Variants in CRMP1 observed in about 807,000 individuals in gnomAD.
CRMP1 encodes collapsin response mediator protein 1.
A neutral mutation model predicts 68.3 loss-of-function variants in CRMP1; 19 were observed. That is an observed-to-expected ratio of 0.28 (90% CI 0.19 to 0.41). The LOEUF (loss-of-function observed/expected upper bound fraction) is 0.41. CRMP1 is among the 10% of genes least tolerant of loss of function. CRMP1 has a pLI of 1.00. For synonymous variants in CRMP1, 439 were observed against 399.6 expected, an observed-to-expected ratio of 1.10 and a Z score of -1.18; for missense variants, 791 against 967.4, an observed-to-expected ratio of 0.82 and a Z score of 2.42.
In CRMP1 at chr4:5,843,686, G is replaced by T. The variant is rs965504833; in HGVS notation, c.964-525C>A. Among the ~76,000 whole-genome samples the T allele has an allele frequency of 6.6e-6, 1 of 152,140 alleles. No homozygotes were observed. Among genetic ancestry groups the T allele is most frequent in the Admixed American group, 6.5e-5 (1 of 15,274 alleles). ...TCCTCTTCTGTACACTGGGGATAACGGTGCTTGTACTGCAGAGTTACTACG... is the reference window on the plus strand; with the variant it reads ...TCCTCTTCTGTACACTGGGGATAACTGTGCTTGTACTGCAGAGTTACTACG... On this transcript the variant is annotated intron_variant, in intron 6 of 13. Transcript: ENST00000324989. The surrounding 1 kb of genome is among the most constrained non-coding windows in gnomAD (Gnocchi z 4.1).
At chr4:5,867,466 A>G (rs1442940045) in intron 1 of CRMP1, among the ~76,000 whole-genome samples, 2 of 152,216 alleles carry the variant, frequency 1.3e-5, no homozygotes, top group Non-Finnish European at 2.9e-5. Context: ...GATAGTGAAG[A>G]GACTAAAAAA....
Position 5,865,663 on chromosome 4 carries a change from C to T in CRMP1, c.470+1005G>A, listed in dbSNP as rs184161322. ...GAAGGCCGCCGCCTACAGACCCCTGCCTGGCGTTATGGACTGAATTGTATC... is the reference window on the plus strand; with the variant it reads ...GAAGGCCGCCGCCTACAGACCCCTGTCTGGCGTTATGGACTGAATTGTATC... On this transcript the variant is annotated intron_variant, in intron 2 of 13. Coordinates refer to ENST00000324989, the MANE Select transcript of CRMP1 (RefSeq NM_001014809.3). This position sits in a 1 kb window ranked among gnomAD's most constrained non-coding sequence, Gnocchi z 4.1. Among the ~76,000 whole-genome samples, 63 of 151,944 alleles carry T rather than the reference C, an allele frequency of 4.1e-4. No homozygotes were observed. The East Asian group carries it at 0.011, about 28-fold the overall frequency.
intron 1 of CRMP1, among the ~76,000 whole-genome samples, chr4:5,875,853 T>TA (rs977822313): frequency 3.3e-5 from 5 of 151,992 alleles, no homozygotes; most frequent in African/African-American, 7.3e-5. Flanking sequence ...CTCAGCTTCT[T>TA]AAAAAAAGTC....
rs1351599715 is a variant in CRMP1, at chr4:5,885,043, T to C, written c.381+7546A>G. On this transcript the variant is annotated intron_variant, in intron 1 of 13. Transcript: ENST00000324989. Reference sequence around the variant, plus strand: ...CTTTATAAATATTTCACACAGTCCTTGGGGGCAGGAGCTAAGTGTTTCTGC... The same window carrying C: ...CTTTATAAATATTTCACACAGTCCTCGGGGGCAGGAGCTAAGTGTTTCTGC... 3.3e-5 allele frequency among the ~76,000 whole-genome samples: 5 copies of C among 151,800 alleles called. No homozygotes were observed. In the East Asian group the frequency reaches 9.7e-4, roughly 29 times the overall value.
intron 2 of CRMP1, among the ~76,000 whole-genome samples, chr4:5,862,095 T>A (rs917453778): frequency 6.6e-6 from 1 of 152,110 alleles, no homozygotes; most frequent in African/African-American, 2.4e-5. Flanking sequence ...CCACACACTG[T>A]CCTCTTAACC....
chr4:5,841,695 G>A lies in CRMP1; in HGVS notation c.1033-267C>T, dbSNP rs1422374382. 6.6e-6 allele frequency among the ~76,000 whole-genome samples: 1 copy of A among 152,148 alleles called. No individual in the cohort carries two copies. Among genetic ancestry groups the A allele is most frequent in the Non-Finnish European group, 1.5e-5 (1 of 68,030 alleles). On this transcript the variant is annotated intron_variant, in intron 7 of 13. Coordinates refer to ENST00000324989, the MANE Select transcript of CRMP1 (RefSeq NM_001014809.3). This position sits in a 1 kb window ranked among gnomAD's most constrained non-coding sequence, Gnocchi z 6.9. ...CTGTCCTGACCTCACCATGGGCCAGGAACATACAGCTCGTGGCCATCCCTG... is the reference window on the plus strand; with the variant it reads ...CTGTCCTGACCTCACCATGGGCCAGAAACATACAGCTCGTGGCCATCCCTG...
intron 6 of CRMP1, 31 bp downstream of exon 6, chr4:5,849,361 G>A (rs767538928): frequency 4.5e-6 from 7 of 1,549,924 alleles, no homozygotes; most frequent in Non-Finnish European, 6.2e-6. Flanking sequence ...ATCAGACTGA[G>A]GTAGAAGGAG....
Position 5,854,152 on chromosome 4 carries a change from T to C in CRMP1, c.820+1991A>G, listed in dbSNP as rs1258239114. 1.3e-5 allele frequency among the ~76,000 whole-genome samples: 2 copies of C among 152,178 alleles called. No individual in the cohort carries two copies. Among genetic ancestry groups the C allele is most frequent in the Non-Finnish European group, 2.9e-5 (2 of 68,036 alleles). On this transcript the variant is annotated intron_variant, in intron 4 of 13. Coordinates refer to ENST00000324989, the MANE Select transcript of CRMP1 (RefSeq NM_001014809.3). The surrounding 1 kb of genome is among the most constrained non-coding windows in gnomAD (Gnocchi z 4.0). ...GGGGAAAATTGCTCAGAACTTAACATTAGGTAAGGAAAGTAAGATACAAGA... is the reference window on the plus strand; with the variant it reads ...GGGGAAAATTGCTCAGAACTTAACACTAGGTAAGGAAAGTAAGATACAAGA...
At position 5,855,361 on chromosome 4, in the gene CRMP1, C is replaced by T. The variant is rs2152465263; in HGVS notation, c.820+782G>A. Among the ~76,000 whole-genome samples, 1 of 152,364 alleles carries T rather than the reference C, an allele frequency of 6.6e-6. No individual in the cohort carries two copies. Among genetic ancestry groups the T allele is most frequent in the East Asian group, 1.9e-4 (1 of 5,190 alleles). On this transcript the variant is annotated intron_variant, in intron 4 of 13. Transcript: ENST00000324989. This position sits in a 1 kb window ranked among gnomAD's most constrained non-coding sequence, Gnocchi z 4.9. ...CTCCTTGAAGCACCACCATTTGAGG[C>T]TGCCTCCTCAGAGGGCTCCCCGACT...
chr4:5,887,938 T>C (rs974054559), intron 1 of CRMP1: 12 of 587,556 alleles, frequency 2.0e-5, no homozygotes, highest in Non-Finnish European at 2.9e-5. Context: ...GCATCCTCCC[T>C]GTCCACGCCA....
chr4:5,828,153 C>T (rs1336524883), intron 12 of CRMP1: 1 of 985,442 alleles, frequency 1.0e-6, no homozygotes, highest in Non-Finnish European at 1.2e-6. Flanking sequence ...AGGAGGATCA[C>T]AGCACCTCCC....
intron 6 of CRMP1, among the ~76,000 whole-genome samples, chr4:5,844,117 G>T (rs1004176006): frequency 6.6e-6 from 1 of 152,058 alleles, no homozygotes; most frequent in African/African-American, 2.4e-5. Context: ...TCTCAACTGC[G>T]CGTCTATGGT....
rs988172602 is a variant in CRMP1 at position 5,860,751 on chromosome 4, T to C, written c.655+275A>G. ...TTCAGTCTCATGCTAAGCGATTATA[T>C]CAATGAGATGTTGTTTTATTTCAAT... On this transcript the variant is annotated intron_variant, in intron 3 of 13. Coordinates refer to ENST00000324989, the MANE Select transcript of CRMP1 (RefSeq NM_001014809.3). The surrounding 1 kb of genome is among the most constrained non-coding windows in gnomAD (Gnocchi z 4.2). Among the ~76,000 whole-genome samples the C allele has an allele frequency of 3.9e-5, 6 of 152,194 alleles. No individual in the cohort carries two copies. The highest frequency in any genetic ancestry group is 6.5e-5 in the Admixed American group (1 of 15,288).
Position 5,886,207 on chromosome 4 carries a change from C to G in CRMP1, c.381+6382G>C, listed in dbSNP as rs111684566. Among the ~76,000 whole-genome samples the G allele has an allele frequency of 1.5e-3, 234 of 152,224 alleles. 3 individuals are homozygous for G. The highest frequency in any genetic ancestry group is 4.7e-4 in the Non-Finnish European group (32 of 68,050). The stretch of plus-strand genomic sequence containing the variant: ...ACTAAGCATAACTTACAGCCTCTCT[C>G]CTTCCCATGCTCATTGAAACCACCT... On this transcript the variant is annotated intron_variant, in intron 1 of 13. Transcript: ENST00000324989.
At chr4:5,875,273 C>T (rs1033855335) in intron 1 of CRMP1, among the ~76,000 whole-genome samples, 1 of 152,026 alleles carries the variant, frequency 6.6e-6, no homozygotes, top group Admixed American at 6.6e-5. Flanking sequence ...CTGTCTATTC[C>T]TGAGTGAGGC....
chr4:5,832,001 G>A (rs1416296902), intron 11 of CRMP1, among the ~76,000 whole-genome samples: 1 of 152,142 alleles, frequency 6.6e-6, no homozygotes, highest in Non-Finnish European at 1.5e-5. Context: ...AGCCATCAAA[G>A]GAACATGGTA....
In CRMP1 at chr4:5,892,622, G is replaced by C; in HGVS notation, c.348C>G (p.Pro116=). The C allele has an allele frequency of 8.4e-7, 1 of 1,190,302 alleles. No individual in the cohort carries two copies. 73.7% of individuals were successfully genotyped at this position (1,190,302 alleles called of 1,614,324 possible). A position where few individuals can be genotyped will look rare whatever the true frequency, so the allele number is the denominator to read the frequency against. The change falls in exon 1 of 14, where the codon CCC becomes CCG. Residue 116 remains proline (P), a synonymous_variant. Coordinates refer to ENST00000324989, the MANE Select transcript of CRMP1 (RefSeq NM_001014809.3). The surrounding 1 kb of genome is among the most constrained non-coding windows in gnomAD (Gnocchi z 8.6). ...PPTLRIRRPA[P]RDLPLGRDNG... ...TGTCCCGGCCGAGGGGCAGGTCGCG[G>C]GGCGCGGGGCGGCGGATGCGCAGCG...
In CRMP1 at chr4:5,843,855, C is replaced by T. The variant is rs1368024585; in HGVS notation, c.964-694G>A. 2.6e-5 allele frequency among the ~76,000 whole-genome samples: 4 copies of T among 152,144 alleles called. No individual in the cohort carries two copies. The highest frequency in any genetic ancestry group is 2.1e-4 in the South Asian group (1 of 4,822). ...CTGTCTTTATGGCGGGAAACCACTA[C>T]CTGAAACTTATCATATAACCTTGAA... On this transcript the variant is annotated intron_variant, in intron 6 of 13. Coordinates refer to ENST00000324989, the MANE Select transcript of CRMP1 (RefSeq NM_001014809.3). The surrounding 1 kb of genome is among the most constrained non-coding windows in gnomAD (Gnocchi z 4.1).
At position 5,892,712 on chromosome 4, in the gene CRMP1, G is replaced by T; in HGVS notation, c.258C>A (p.Ser86Arg). Reference sequence around the variant, plus strand: ...CGGAGCCCGAGGGCTCGCTCACGTCGCTGGCCGTGTCCTCGCTGCCTCCCG... The same window carrying T: ...CGGAGCCCGAGGGCTCGCTCACGTCTCTGGCCGTGTCCTCGCTGCCTCCCG... ...PGPGGSEDTA[S>R]DVSEPSGSAV... The change falls in exon 1 of 14, where the codon AGC (serine) becomes AGA (arginine). Residue 86 changes from serine (S) to arginine (R), a missense_variant. Coordinates refer to ENST00000324989, the MANE Select transcript of CRMP1 (RefSeq NM_001014809.3). This position sits in a 1 kb window ranked among gnomAD's most constrained non-coding sequence, Gnocchi z 8.6. 1 of 1,228,486 alleles carries T rather than the reference G, an allele frequency of 8.1e-7. No homozygotes were observed. The highest frequency in any genetic ancestry group is 1.0e-6 in the Non-Finnish European group (1 of 984,762). The allele number at this position is 1,228,486 out of a possible 1,614,324, so 76.1% of individuals were successfully genotyped here.
Sources: allele counts gnomAD v4.1 joint callset (sites outside exome capture counted in the v4.1 genomes callset), GRCh38; gene constraint gnomAD v4.1.1; non-coding constraint Gnocchi (gnomAD v3.1); transcripts MANE v1.5; gene names NCBI Gene and HGNC (gene_info 2026-07-23, HGNC 2026-07-21).